The following ABCG1 variants were observed in gnomAD, a reference collection of about 807,000 sequenced individuals.
The protein encoded by ABCG1 is ATP binding cassette subfamily G member 1.
ABCG1 carries 29 observed loss-of-function variants against 69.2 expected under a neutral mutation model. The observed-to-expected ratio is 0.42, with a 90% CI of 0.31 to 0.57. The LOEUF is 0.57. ABCG1 is among the 20% of genes least tolerant of loss of function. The pLI is 0.15. For missense variants in ABCG1, 718 were observed against 898.1 expected, an observed-to-expected ratio of 0.80 and a Z score of 2.56; for synonymous variants, 370 against 374.8, an observed-to-expected ratio of 0.99 and a Z score of 0.15.
chr21:42,259,577 A>G (rs1306191528), intron 2 of ABCG1: 9 of 1,482,522 alleles, frequency 6.1e-6, no homozygotes, highest in Non-Finnish European at 7.2e-6. Context: ...ATCGAGTGGC[A>G]TTGCCTCTGC....
rs542679875 is a variant in ABCG1, at chr21:42,269,599, C to T, written c.287-1471C>T. ...TCCTCACCCTCCCTGGGGCGACAAC[C>T]GCCCTGTCTGTAATGAGTGGCAGTC... On this transcript the variant is annotated intron_variant, in intron 2 of 14. Coordinates refer to ENST00000398449, the MANE Select transcript of ABCG1 (RefSeq NM_016818.3). 5.9e-5 allele frequency among the ~76,000 whole-genome samples: 9 copies of T among 152,326 alleles called. No individual in the cohort carries two copies. In the South Asian group the frequency reaches 1.2e-3, roughly 21 times the overall value.
At chr21:42,209,992 G>A (rs1251997545) in intron 2 of ABCG1, among the ~76,000 whole-genome samples, 1 of 152,102 alleles carries the variant, frequency 6.6e-6, no homozygotes, top group Admixed American at 6.5e-5. Context: ...GTGTGAACTC[G>A]GGAGGGCAGG....
At chr21:42,256,074 T>C in intron 2 of ABCG1, 1 of 1,139,404 alleles carries the variant, frequency 8.8e-7, no homozygotes, top group Non-Finnish European at 1.1e-6. Context: ...TGGATCCAGG[T>C]GTGCACCCTT....
At chr21:42,283,088 G>C (rs1358494108) in intron 6 of ABCG1, among the ~76,000 whole-genome samples, 1 of 152,198 alleles carries the variant, frequency 6.6e-6, no homozygotes, top group East Asian at 1.9e-4. Flanking sequence ...GGCAGGATGG[G>C]TGGCCAGGAA....
chr21:42,208,748 C>T (rs1416641672), intron 2 of ABCG1, among the ~76,000 whole-genome samples: 1 of 152,130 alleles, frequency 6.6e-6, no homozygotes, highest in Non-Finnish European at 1.5e-5. Flanking sequence ...TGTTAATTTT[C>T]CCTGCTCTAG....
intron 2 of ABCG1, among the ~76,000 whole-genome samples, chr21:42,233,831 G>A (rs1167617758): frequency 6.6e-6 from 1 of 152,350 alleles, no homozygotes; most frequent in South Asian, 2.1e-4. Flanking sequence ...GGTGGAACCC[G>A]CTGGAAGGGC....
intron 2 of ABCG1, among the ~76,000 whole-genome samples, chr21:42,262,382 A>C (rs2068428510): frequency 6.6e-6 from 1 of 151,936 alleles, no homozygotes; most frequent in East Asian, 1.9e-4. Flanking sequence ...TTGAATGGGC[A>C]TAGGAATTCT....
At position 42,296,203 on chromosome 21, in the gene ABCG1, A is replaced by G; in HGVS notation, c.1812A>G (p.Leu604=). The G allele has an allele frequency of 1.2e-6, 2 of 1,614,070 alleles. No homozygotes were observed. Among genetic ancestry groups the G allele is most frequent in the Non-Finnish European group, 1.7e-6 (2 of 1,180,010 alleles). ...GGGTCATCCTCTCCATCTATGGCTT[A>G]GACCGGGAAGATCTGCACTGTGACA... ...FEGVILSIYG[L]DREDLHCDID... Residue 604 remains leucine, a synonymous_variant, in exon 15 of 15, where the codon TTA becomes TTG. Coordinates refer to ENST00000398449, the MANE Select transcript of ABCG1 (RefSeq NM_016818.3). The surrounding 1 kb of genome is among the most constrained non-coding windows in gnomAD (Gnocchi z 5.4).
At position 42,225,708 on chromosome 21, in the gene ABCG1, A is replaced by C. The variant is rs374760060; in HGVS notation, c.80A>C (p.Lys27Thr). The part of the protein sequence containing the change: ...SSYSAEMTEP[K>T]SVCVSVDEVV... ...TACTCTGCAGAGATGACGGAGCCCAAGTCGGTGTGTGTCTCGGTGGATGAG... is the reference window on the plus strand; with the variant it reads ...TACTCTGCAGAGATGACGGAGCCCACGTCGGTGTGTGTCTCGGTGGATGAG... Residue 27 changes from lysine to threonine, a missense_variant, in exon 2 of 15, where the codon AAG becomes ACG. Coordinates refer to ENST00000398449, the MANE Select transcript of ABCG1 (RefSeq NM_016818.3). 6.2e-7 allele frequency: 1 copy of C among 1,612,990 alleles called. No individual in the cohort carries two copies. The highest frequency in any genetic ancestry group is 8.5e-7 in the Non-Finnish European group (1 of 1,179,806).
At chr21:42,292,437 G>A (rs2069081036) in intron 13 of ABCG1, among the ~76,000 whole-genome samples, 1 of 152,042 alleles carries the variant, frequency 6.6e-6, no homozygotes, top group African/African-American at 2.4e-5. Flanking sequence ...TGCAACCCGT[G>A]TGCCCCAAGG....
Position 42,219,225 on chromosome 21 carries a change from G to A in ABCG1, c.-38G>A, listed in dbSNP as rs1188804672. 1 of 748,534 alleles carries A rather than the reference G, an allele frequency of 1.3e-6. No individual in the cohort carries two copies. The allele number at this position is 748,534 out of a possible 1,614,324, so 46.4% of individuals were successfully genotyped here. A position where few individuals can be genotyped will look rare whatever the true frequency, so the allele number is the denominator to read the frequency against. On this transcript the variant is annotated 5_prime_UTR_variant, in exon 1 of 15. Transcript: ENST00000398449. This position sits in a 1 kb window ranked among gnomAD's most constrained non-coding sequence, Gnocchi z 5.3. The stretch of plus-strand genomic sequence containing the variant: ...GCCCCGCAGCTCAAGCCTCGTCCCC[G>A]CCGCCGCCGCCGCCGCCGCCGCCGC...
Position 42,219,275 on chromosome 21 carries a change from A to C in ABCG1, c.13A>C (p.Met5Leu). 6.3e-7 allele frequency: 1 copy of C among 1,587,182 alleles called. No individual in the cohort carries two copies. Among genetic ancestry groups the C allele is most frequent in the African/African-American group, 1.4e-5 (1 of 72,778 alleles). Residue 5 changes from methionine to leucine, a missense_variant, in exon 1 of 15, where the codon ATG becomes CTG. Met to Leu is a conservative substitution (Grantham distance 15, BLOSUM62 2). Transcript: ENST00000398449. The surrounding 1 kb of genome is among the most constrained non-coding windows in gnomAD (Gnocchi z 5.3). Reference sequence around the variant, plus strand: ...CCGCCCCCGGGGCATGGCCTGTCTGATGGCCGCTTTCTCGGTCGGCACCGC... The same window carrying C: ...CCGCCCCCGGGGCATGGCCTGTCTGCTGGCCGCTTTCTCGGTCGGCACCGC... MACL[M>L]AAFSVGTAMN...
At position 42,293,538 on chromosome 21, in the gene ABCG1, C is replaced by T. The variant is rs111166955; in HGVS notation, c.1654-1004C>T. ...TACCCACCACACATACTACACACCA[C>T]GCACTACACACATACCACACTACAC... On this transcript the variant is annotated intron_variant, in intron 13 of 14. Coordinates refer to ENST00000398449, the MANE Select transcript of ABCG1 (RefSeq NM_016818.3). Among the ~76,000 whole-genome samples the T allele has an allele frequency of 4.6e-4, 66 of 143,318 alleles. 2 individuals carry two copies. In the East Asian group the frequency reaches 0.013, roughly 29 times the overall value. The allele number at this position is 143,318 out of a possible 152,430, so 94.0% of individuals were successfully genotyped here. A position where few individuals can be genotyped will look rare whatever the true frequency, so the allele number is the denominator to read the frequency against.
intron 2 of ABCG1, among the ~76,000 whole-genome samples, chr21:42,242,595 C>T (rs900195266): frequency 1.1e-4 from 17 of 152,144 alleles, no homozygotes; most frequent in African/African-American, 3.1e-4. Context: ...CAAGTGGTGA[C>T]GCTGAGGAGG....
At position 42,219,847 on chromosome 21, in the gene ABCG1, C is replaced by A; in HGVS notation, c.42+543C>A. On this transcript the variant is annotated intron_variant, in intron 1 of 14. Coordinates refer to ENST00000398449, the MANE Select transcript of ABCG1 (RefSeq NM_016818.3). This position sits in a 1 kb window ranked among gnomAD's most constrained non-coding sequence, Gnocchi z 5.3. ...GCCTGCGACTGCACTCCCGGGGACACCCTCTCCCGGACCCACTCGGGGAGG... is the reference window on the plus strand; with the variant it reads ...GCCTGCGACTGCACTCCCGGGGACAACCTCTCCCGGACCCACTCGGGGAGG... The A allele has an allele frequency of 1.3e-6, 2 of 1,509,142 alleles. No homozygotes were observed. The highest frequency in any genetic ancestry group is 1.3e-5 in the South Asian group (1 of 79,346). 93.5% of individuals were successfully genotyped at this position (1,509,142 alleles called of 1,614,324 possible).
In ABCG1 at chr21:42,291,348, T is replaced by C; in HGVS notation, c.1495-150T>C. ...CGGGGAAGGGCCTGACTTCGGGAGC[T>C]GTGGCGGGAGCTGTGGGGAGTGGGG... is the stretch of plus-strand genomic sequence containing the variant. On this transcript the variant is annotated intron_variant, in intron 12 of 14. Coordinates refer to ENST00000398449, the MANE Select transcript of ABCG1 (RefSeq NM_016818.3). This position sits in a 1 kb window ranked among gnomAD's most constrained non-coding sequence, Gnocchi z 6.4. 1.7e-6 allele frequency: 2 copies of C among 1,208,062 alleles called. No homozygotes were observed. The highest frequency in any genetic ancestry group is 1.4e-5 in the South Asian group (1 of 70,262). The allele number at this position is 1,208,062 out of a possible 1,614,324, so 74.8% of individuals were successfully genotyped here. A position where few individuals can be genotyped will look rare whatever the true frequency, so the allele number is the denominator to read the frequency against.
At chr21:42,277,116 G>C (rs2068725428) in intron 5 of ABCG1, among the ~76,000 whole-genome samples, 171 bp downstream of exon 5, 1 of 152,180 alleles carries the variant, frequency 6.6e-6, no homozygotes, top group African/African-American at 2.4e-5. Flanking sequence ...GCCTGCAGCA[G>C]CCAGAGGCCA....
chr21:42,246,953 C>T (rs765957808), intron 2 of ABCG1, among the ~76,000 whole-genome samples: 2 of 152,126 alleles, frequency 1.3e-5, no homozygotes, highest in Non-Finnish European at 1.5e-5. Flanking sequence ...AATGAAGCCA[C>T]AAGACTTAGA....
intron 2 of ABCG1, among the ~76,000 whole-genome samples, chr21:42,247,216 T>G (rs1255348735): frequency 6.6e-6 from 1 of 152,228 alleles, no homozygotes; most frequent in Non-Finnish European, 1.5e-5. Context: ...TTTTATTATC[T>G]GTTATAAGCA....
Sources: gnomAD v4.1 joint callset for allele counts (sites outside exome capture counted in the v4.1 genomes callset) on GRCh38, gnomAD v4.1.1 for gene constraint, Gnocchi (gnomAD v3.1) non-coding constraint, MANE v1.5 for transcripts, NCBI Gene and HGNC (gene_info 2026-07-23, HGNC 2026-07-21) for gene names.